The following PRAG1 variants were observed in gnomAD, a reference collection of about 807,000 sequenced individuals.
The protein encoded by PRAG1 is PEAK1 related, kinase-activating pseudokinase 1.
A neutral mutation model predicts 95.6 loss-of-function variants in PRAG1; 110 were observed. The ratio of observed to expected loss-of-function variants is 1.15; its 90% CI spans 0.99 to 1.35. The LOEUF (loss-of-function observed/expected upper bound fraction) is 1.35, where lower values mean the gene tolerates loss of function less well. Ranked by LOEUF, PRAG1 falls within the 40% of genes most tolerant of loss-of-function variation. PRAG1 has a pLI of 0.00. For synonymous variants in PRAG1, 1,052 were observed against 819.4 expected, an observed-to-expected ratio of 1.28 and a Z score of -4.85; for missense variants, 2,554 against 1,864.7, an observed-to-expected ratio of 1.37 and a Z score of -6.81.
chr8:8,352,718 A>G (rs1799562288), intron 3 of PRAG1, among the ~76,000 whole-genome samples: 3 of 152,168 alleles, frequency 2.0e-5, no homozygotes, highest in African/African-American at 7.2e-5. Context: ...CCACTTTCCC[A>G]ATATCTCACT....
At chr8:8,381,043 G>C (rs937046150) in intron 2 of PRAG1, among the ~76,000 whole-genome samples, 1 of 152,058 alleles carries the variant, frequency 6.6e-6, no homozygotes, top group African/African-American at 2.4e-5. Context: ...GGTTGCTGAA[G>C]TTCATATTGA....
chr8:8,352,202 TG>T, intron 3 of PRAG1, among the ~76,000 whole-genome samples: 1 of 152,308 alleles, frequency 6.6e-6, no homozygotes, highest in Non-Finnish European at 1.5e-5. Context: ...TTCTTCACGC[TG>T]GGGCAGCCTT....
intron 3 of PRAG1, among the ~76,000 whole-genome samples, chr8:8,352,807 A>G (rs1799565254): frequency 6.6e-6 from 1 of 152,148 alleles, no homozygotes; most frequent in Non-Finnish European, 1.5e-5. Context: ...AAGATTTTGT[A>G]CTTGCTTACA....
chr8:8,381,811 A>G lies in PRAG1; in HGVS notation c.-64T>C. Reference sequence around the variant, plus strand: ...TCTCTGGTGCAGTTTTGTGGGATTCAGAGGTGGGTCACAGAGCGGCTTCCT... The same window carrying G: ...TCTCTGGTGCAGTTTTGTGGGATTCGGAGGTGGGTCACAGAGCGGCTTCCT... On this transcript the variant is annotated 5_prime_UTR_variant, in exon 2 of 6. Transcript: ENST00000615670. 1 of 1,391,402 alleles carries G rather than the reference A, an allele frequency of 7.2e-7. No homozygotes were observed. Among genetic ancestry groups the G allele is most frequent in the Non-Finnish European group, 9.6e-7 (1 of 1,037,838 alleles). 86.2% of individuals were successfully genotyped at this position (1,391,402 alleles called of 1,614,324 possible). A position where few individuals can be genotyped will look rare whatever the true frequency, so the allele number is the denominator to read the frequency against.
chr8:8,357,799 T>C (rs1353287485), intron 3 of PRAG1, among the ~76,000 whole-genome samples: 1 of 152,214 alleles, frequency 6.6e-6, no homozygotes, highest in Non-Finnish European at 1.5e-5. Context: ...AAGTATCCAT[T>C]AACAGACGAA....
intron 5 of PRAG1, 59 bp from the exon 6 acceptor site, chr8:8,319,361 A>G: frequency 7.1e-7 from 1 of 1,410,582 alleles, no homozygotes; most frequent in Non-Finnish European, 9.5e-7. Flanking sequence ...CCCAGCAAAG[A>G]GTGTGGAAAC....
At chr8:8,324,081 A>G (rs945222468) in intron 5 of PRAG1, among the ~76,000 whole-genome samples, 11 of 152,232 alleles carry the variant, frequency 7.2e-5, no homozygotes, top group African/African-American at 4.8e-5. Context: ...CGCCAGGCCC[A>G]GCCCAGGGCA....
rs573230025 is a variant in PRAG1 at position 8,358,009 on chromosome 8, G to T, written c.2162+18238C>A. Among the ~76,000 whole-genome samples the T allele has an allele frequency of 3.9e-4, 59 of 152,264 alleles. 1 individual carries two copies. The highest frequency in any genetic ancestry group is 9.1e-4 in the Admixed American group (14 of 15,304). ...CAATTCTGACACTATCTACCTAGAGGTAGAGTCAGATCCCACAGGTTGAGG... is the reference window on the plus strand; with the variant it reads ...CAATTCTGACACTATCTACCTAGAGTTAGAGTCAGATCCCACAGGTTGAGG... On this transcript the variant is annotated intron_variant, in intron 3 of 5. Coordinates refer to ENST00000615670, the MANE Select transcript of PRAG1 (RefSeq NM_001080826.3).
At chr8:8,375,005 A>G (rs1800331905) in intron 3 of PRAG1, among the ~76,000 whole-genome samples, 1 of 152,104 alleles carries the variant, frequency 6.6e-6, no homozygotes, top group African/African-American at 2.4e-5. Context: ...TTTTCCTAAC[A>G]GAAATCAGTT....
intron 1 of PRAG1, among the ~76,000 whole-genome samples, chr8:8,385,876 C>T (rs1467293416): frequency 1.3e-5 from 2 of 151,948 alleles, no homozygotes; most frequent in African/African-American, 4.8e-5. Flanking sequence ...TACCCTGCAC[C>T]CCCAAACCAT....
rs1331374191 is a variant in PRAG1, at chr8:8,328,227, G to A, written c.2555C>T (p.Ser852Leu). The A allele has an allele frequency of 1.3e-5, 21 of 1,614,100 alleles. No individual in the cohort carries two copies. The highest frequency in any genetic ancestry group is 2.2e-5 in the East Asian group (1 of 44,894). Residue 852 changes from serine to leucine, a missense_variant, in exon 5 of 6, where the codon TCG becomes TTG. By Grantham distance (145) the Ser-to-Leu change is moderately radical. Transcript: ENST00000615670. ...TASPKLNLSH[S>L]ETNVHDESHF... ...AGATTCGTCGTGGACGTTGGTTTCC[G>A]AGTGGCTTAGGTTCAGCTTGGGGCT...
intron 3 of PRAG1, among the ~76,000 whole-genome samples, chr8:8,375,925 C>A (rs1343343758): frequency 1.3e-5 from 2 of 152,100 alleles, no homozygotes; most frequent in African/African-American, 2.4e-5. Context: ...ACTGAAGACA[C>A]TTCAGAGAAC....
At chr8:8,347,205 G>A (rs997752778) in intron 3 of PRAG1, among the ~76,000 whole-genome samples, 9 of 152,140 alleles carry the variant, frequency 5.9e-5, no homozygotes, top group Non-Finnish European at 1.0e-4. Context: ...AGGCCTCCCC[G>A]GCCTTGTGAC....
chr8:8,338,833 A>G (rs114295605), intron 4 of PRAG1, among the ~76,000 whole-genome samples: 1 of 152,210 alleles, frequency 6.6e-6, no homozygotes, highest in Non-Finnish European at 1.5e-5. Flanking sequence ...GAAACGCAGG[A>G]GAGGACACAT....
chr8:8,323,495 G>C (rs1798536036), intron 5 of PRAG1, among the ~76,000 whole-genome samples: 1 of 151,778 alleles, frequency 6.6e-6, no homozygotes, highest in Non-Finnish European at 1.5e-5. Flanking sequence ...TTTTTGTATT[G>C]TTCATTTTTT....
At chr8:8,378,939 G>T (rs1800537171) in intron 2 of PRAG1, among the ~76,000 whole-genome samples, 1 of 152,026 alleles carries the variant, frequency 6.6e-6, no homozygotes, top group African/African-American at 2.4e-5. Flanking sequence ...AGAACAGGAG[G>T]GTGAGGGGTG....
At chr8:8,322,567 G>A (rs1185752583) in intron 5 of PRAG1, among the ~76,000 whole-genome samples, 1 of 152,184 alleles carries the variant, frequency 6.6e-6, no homozygotes, top group African/African-American at 2.4e-5. Flanking sequence ...TTCAGGCCAT[G>A]ATGGGAAGGG....
At chr8:8,340,073 C>T (rs1799116217) in intron 3 of PRAG1, among the ~76,000 whole-genome samples, 1 of 152,182 alleles carries the variant, frequency 6.6e-6, no homozygotes, top group Non-Finnish European at 1.5e-5. Flanking sequence ...CAAACTAGGC[C>T]TTTACAAGTG....
chr8:8,336,504 A>T (rs1175444322), intron 4 of PRAG1, among the ~76,000 whole-genome samples: 1 of 152,216 alleles, frequency 6.6e-6, no homozygotes, highest in Non-Finnish European at 1.5e-5. Context: ...CTGGCTGTTC[A>T]ATTGAATTGG....
Sources: gnomAD v4.1 joint callset for allele counts (sites outside exome capture counted in the v4.1 genomes callset) on GRCh38, gnomAD v4.1.1 for gene constraint, MANE v1.5 for transcripts, NCBI Gene and HGNC (gene_info 2026-07-23, HGNC 2026-07-21) for gene names.